Variants in ADGRL2 observed in about 807,000 individuals in gnomAD.
The protein encoded by ADGRL2 is adhesion G protein-coupled receptor L2, also known as calcium-independent alpha-latrotoxin receptor 2.
A neutral mutation model predicts 157.4 loss-of-function variants in ADGRL2; 44 were observed. The observed-to-expected ratio is 0.28, with a 90% CI of 0.22 to 0.36. The LOEUF is 0.36. Among genes scored for constraint, ADGRL2 ranks in the 10% least tolerant of loss-of-function variants. The probability of loss-of-function intolerance (pLI) is 1.00; values close to 1 mark genes in which losing one functional copy is unlikely to be tolerated. For synonymous variants in ADGRL2, 585 were observed against 624.7 expected (o/e 0.94, Z 0.95); for missense variants, 1,510 against 1,768.9 (o/e 0.85, Z 2.63).
chr1:81,811,647 G>A (rs943727971), intron 1 of ADGRL2, among the ~76,000 whole-genome samples: 7 of 151,764 alleles, frequency 4.6e-5, no homozygotes, highest in South Asian at 2.1e-4. Flanking sequence ...AGGGTAAAGA[G>A]CATTTTGCAA....
chr1:81,706,983 A>AG (rs902152572), intron 1 of ADGRL2, among the ~76,000 whole-genome samples: 4 of 152,140 alleles, frequency 2.6e-5, no homozygotes, highest in African/African-American at 9.7e-5. Flanking sequence ...TAAGCTTTCT[A>AG]GGGGTTTAGC....
At chr1:81,363,599 T>C (rs571071601) in intron 1 of ADGRL2, among the ~76,000 whole-genome samples, 9 of 152,252 alleles carry the variant, frequency 5.9e-5, no homozygotes, top group African/African-American at 1.9e-4. Flanking sequence ...TCCTCCACTA[T>C]GCTGCTAACC....
intron 2 of ADGRL2, among the ~76,000 whole-genome samples, chr1:81,794,883 T>C (rs1485469927): frequency 6.6e-6 from 1 of 152,218 alleles, no homozygotes; most frequent in Non-Finnish European, 1.5e-5. Context: ...ACTTTCCAGA[T>C]GCTCAGACAT....
intron 2 of ADGRL2, among the ~76,000 whole-genome samples, chr1:81,468,156 T>C (rs2078099276): frequency 6.6e-6 from 1 of 152,154 alleles, no homozygotes; most frequent in Admixed American, 6.6e-5. Context: ...AAGTTCTCCA[T>C]TATATCTAGG....
At chr1:81,607,237 T>A (rs58811308) in intron 3 of ADGRL2, among the ~76,000 whole-genome samples, 4,015 of 152,260 alleles carry the variant, frequency 0.026, 170 homozygotes, top group African/African-American at 0.092. Flanking sequence ...TCAAACACAC[T>A]CGAAGTTAAA....
At chr1:81,715,078 C>T (rs1319363438) in intron 1 of ADGRL2, among the ~76,000 whole-genome samples, 1 of 151,790 alleles carries the variant, frequency 6.6e-6, no homozygotes. Context: ...AGTTAAGTGA[C>T]TTAAGCTGTT....
At chr1:81,331,386 A>G (rs1279873513) in intron 1 of ADGRL2, among the ~76,000 whole-genome samples, 3 of 152,084 alleles carry the variant, frequency 2.0e-5, no homozygotes, top group African/African-American at 7.2e-5. Context: ...TGTTACGTTT[A>G]CTTTGTATTT....
chr1:81,972,300 G>T (rs145631604), intron 17 of ADGRL2, among the ~76,000 whole-genome samples: 2,521 of 151,924 alleles, frequency 0.017, 45 homozygotes, highest in South Asian at 0.06. Flanking sequence ...TAATTCTAAT[G>T]AATTAATTTT....
At chr1:81,679,777 C>G (rs2083071097) in intron 3 of ADGRL2, among the ~76,000 whole-genome samples, 1 of 152,128 alleles carries the variant, frequency 6.6e-6, no homozygotes, top group Non-Finnish European at 1.5e-5. Context: ...GTACCTCATG[C>G]TAAAGATCTG....
At chr1:81,802,292 C>T (rs2088326917) in intron 1 of ADGRL2, among the ~76,000 whole-genome samples, 1 of 152,014 alleles carries the variant, frequency 6.6e-6, no homozygotes, top group African/African-American at 2.4e-5. Flanking sequence ...GTTTGCTTTG[C>T]GCCTCCAGTC....
chr1:81,548,516 A>G (rs542052503), intron 2 of ADGRL2, among the ~76,000 whole-genome samples: 38 of 152,170 alleles, frequency 2.5e-4, no homozygotes, highest in Non-Finnish European at 4.3e-4. Context: ...AAAATTACTT[A>G]GCAAGAGGAA....
intron 3 of ADGRL2, among the ~76,000 whole-genome samples, chr1:81,622,325 G>A (rs2081811330): frequency 6.6e-6 from 1 of 152,162 alleles, no homozygotes; most frequent in Non-Finnish European, 1.5e-5. Context: ...GCTCATGCCT[G>A]TAATCCCAGC....
At chr1:81,813,687 T>C (rs1051717601) in intron 1 of ADGRL2, among the ~76,000 whole-genome samples, 1 of 151,780 alleles carries the variant, frequency 6.6e-6, no homozygotes, top group African/African-American at 2.4e-5. Flanking sequence ...GTAGATACTC[T>C]TTACTGCCAA....
chr1:81,814,029 G>A (rs2090140018), intron 1 of ADGRL2, among the ~76,000 whole-genome samples: 2 of 151,784 alleles, frequency 1.3e-5, no homozygotes, highest in East Asian at 3.9e-4. Context: ...CCATTGAAAA[G>A]AAATTGTACT....
intron 2 of ADGRL2, among the ~76,000 whole-genome samples, chr1:81,558,626 G>A (rs1285875010): frequency 6.6e-6 from 1 of 151,358 alleles, no homozygotes; most frequent in Non-Finnish European, 1.5e-5. Context: ...ATTGAAATTT[G>A]TTATGGAAAT....
intron 1 of ADGRL2, among the ~76,000 whole-genome samples, chr1:81,346,638 C>T (rs1174266647): frequency 2.6e-5 from 4 of 152,148 alleles, no homozygotes; most frequent in African/African-American, 9.7e-5. Context: ...ACTCCCTACC[C>T]CTCCATATGA....
intron 2 of ADGRL2, among the ~76,000 whole-genome samples, chr1:81,540,772 G>C (rs750388524): frequency 1.3e-5 from 2 of 152,118 alleles, no homozygotes; most frequent in Non-Finnish European, 2.9e-5. Context: ...GGCAATGAAG[G>C]GTTTCAAAAA....
chr1:81,715,675 CAG>C (rs1380446896), intron 1 of ADGRL2, among the ~76,000 whole-genome samples: 1 of 152,084 alleles, frequency 6.6e-6, no homozygotes, highest in Non-Finnish European at 1.5e-5. Context: ...AAGGATGAAA[CAG>C]AGACAAATAT....
At chr1:81,340,124 T>G (rs1661960949) in intron 1 of ADGRL2, among the ~76,000 whole-genome samples, 1 of 152,234 alleles carries the variant, frequency 6.6e-6, no homozygotes, top group African/African-American at 2.4e-5. Context: ...TTAATCATAC[T>G]ATATTTGCAA....
Sources: gnomAD v4.1 joint callset for allele counts (sites outside exome capture counted in the v4.1 genomes callset) on GRCh38, gnomAD v4.1.1 for gene constraint, MANE v1.5 for transcripts, NCBI Gene and HGNC (gene_info 2026-07-23, HGNC 2026-07-21) for gene names.